Variants in DDX59 observed in about 807,000 individuals in gnomAD.
The protein encoded by DDX59 is probable ATP-dependent RNA helicase DDX59.
DDX59 carries 30 observed loss-of-function variants against 51.9 expected under a neutral mutation model. The observed-to-expected ratio is 0.58, with a 90% CI of 0.43 to 0.78. The LOEUF is 0.78. Among genes scored for constraint, DDX59 ranks in the 30% least tolerant of loss-of-function variants. DDX59 has a pLI of 0.00. For synonymous variants in DDX59, 255 were observed against 253.3 expected (o/e 1.01, Z -0.06); for missense variants, 672 against 730.8 (o/e 0.92, Z 0.93).
rs1661447996 is a variant in DDX59 at position 200,648,573 on chromosome 1, C to CA, written c.1468-7dup. ...TAGTCTCCTTCAAGTAATCCCTTTCCAAAAAAGCAACAAAATTTATTATTC... is the reference window on the plus strand; with the variant it reads ...TAGTCTCCTTCAAGTAATCCCTTTCCAAAAAAAGCAACAAAATTTATTATTC... On this transcript the variant is annotated splice_polypyrimidine_tract_variant and splice_region_variant and intron_variant, in intron 6 of 7. Coordinates refer to ENST00000331314, the MANE Select transcript of DDX59 (RefSeq NM_001031725.6). The CA allele has an allele frequency of 2.5e-6, 4 of 1,599,416 alleles. No individual in the cohort carries two copies. Among genetic ancestry groups the CA allele is most frequent in the Admixed American group, 1.8e-5 (1 of 55,780 alleles).
At chr1:200,664,120 C>A (rs778226932) in intron 2 of DDX59, 34 bp from the exon 3 acceptor site, 2 of 1,595,638 alleles carry the variant, frequency 1.3e-6, no homozygotes, top group South Asian at 2.3e-5. Context: ...TTAAAAACAC[C>A]AGCAATTAAT....
chr1:200,654,391 G>C (rs998835580), intron 4 of DDX59: 1 of 140,318 alleles, frequency 7.1e-6, no homozygotes, highest in Admixed American at 7.1e-5. Flanking sequence ...CCAGCCTGGC[G>C]GGGAAAAAAA....
At position 200,649,118 on chromosome 1, in the gene DDX59, T is replaced by G. The variant is rs79204709; in HGVS notation, c.1423A>C (p.Ile475Leu). The G allele has an allele frequency of 6.3e-7, 1 of 1,583,426 alleles. No homozygotes were observed. Among genetic ancestry groups the G allele is most frequent in the African/African-American group, 1.4e-5 (1 of 72,658 alleles). Reference protein sequence around the residue: ...QKITGLKSISIHSEKSQIERK... With the variant: ...QKITGLKSISLHSEKSQIERK... ...TCTATTTGCGACTTCTCTGAATGTATAGATATGCTTTTCAGCCCTGTGATT... is the reference window on the plus strand; with the variant it reads ...TCTATTTGCGACTTCTCTGAATGTAGAGATATGCTTTTCAGCCCTGTGATT... Residue 475 changes from isoleucine to leucine, a missense_variant, in exon 6 of 8, where the codon ATA becomes CTA. Ile to Leu is a conservative substitution (Grantham distance 5, BLOSUM62 2). Coordinates refer to ENST00000331314, the MANE Select transcript of DDX59 (RefSeq NM_001031725.6).
At chr1:200,656,707 A>C (rs537161236) in intron 4 of DDX59, among the ~76,000 whole-genome samples, 8 of 152,318 alleles carry the variant, frequency 5.3e-5, no homozygotes, top group Admixed American at 2.0e-4. Flanking sequence ...GCACAGCACG[A>C]AAGTGTCCCA....
intron 1 of DDX59, chr1:200,669,470 G>C (rs953986169): frequency 2.6e-5 from 4 of 152,562 alleles, no homozygotes; most frequent in African/African-American, 9.6e-5. Flanking sequence ...TGGCGGCGGC[G>C]CGGCCTCCAA....
intron 4 of DDX59, among the ~76,000 whole-genome samples, chr1:200,658,599 G>A (rs368711846): frequency 6.6e-6 from 1 of 152,200 alleles, no homozygotes; most frequent in Non-Finnish European, 1.5e-5. Context: ...AGGAGGCTGA[G>A]GTGGGTGGAT....
rs1425746102 is a variant in DDX59, at chr1:200,669,883, C to G, written c.-128G>C. On this transcript the variant is annotated 5_prime_UTR_variant, in exon 1 of 8. Coordinates refer to ENST00000331314, the MANE Select transcript of DDX59 (RefSeq NM_001031725.6). The stretch of plus-strand genomic sequence containing the variant: ...TGACCCGCTCGTCAGGACTGCGGCC[C>G]GGGGTTGGTGGTGCGGAGCGGAGCG... 7.9e-6 allele frequency: 1 copy of G among 126,114 alleles called. No individual in the cohort carries two copies. Among genetic ancestry groups the G allele is most frequent in the Non-Finnish European group, 1.7e-5 (1 of 58,812 alleles). The allele number at this position is 126,114 out of a possible 1,614,324, so 7.8% of individuals were successfully genotyped here. A position where few individuals can be genotyped will look rare whatever the true frequency, so the allele number is the denominator to read the frequency against.
chr1:200,666,889 CTTGAGGTCAGGAGT>C (rs1662801597), intron 1 of DDX59, 138 bp from the exon 2 acceptor site: 1 of 800,602 alleles, frequency 1.2e-6, no homozygotes. Flanking sequence ...AGGCAGATCA[CTTGAGGTCAGGAGT>C]TTGAGACCAG....
At chr1:200,668,233 G>A (rs1571663182) in intron 1 of DDX59, among the ~76,000 whole-genome samples, 2 of 151,976 alleles carry the variant, frequency 1.3e-5, no homozygotes, top group Admixed American at 6.6e-5. Context: ...GCGTGAACCC[G>A]GGAAGCGGAG....
In DDX59 at chr1:200,666,637, T is replaced by A. The variant is rs1341553700; in HGVS notation, c.104A>T (p.Asp35Val). ...ATCAACGGGAACATCTCTGCTTTTG[T>A]CCAACTGAAGGTCTTCTGGGTCTGG... ...IKPDPEDLQL[D>V]KSRDVPVDAV... The change falls in exon 2 of 8, where the codon GAC becomes GTC. Residue 35 changes from aspartate to valine, a missense_variant. Physicochemically the swap from Asp to Val is radical, Grantham distance 152. Transcript: ENST00000331314. 3 of 1,614,100 alleles carry A rather than the reference T, an allele frequency of 1.9e-6. No individual in the cohort carries two copies. The Admixed American group carries it at 5.0e-5, about 27-fold the overall frequency.
In DDX59 at chr1:200,644,329, T is replaced by C; in HGVS notation, c.1785A>G (p.Thr595=). 1 of 1,613,758 alleles carries C rather than the reference T, an allele frequency of 6.2e-7. No homozygotes were observed. The highest frequency in any genetic ancestry group is 8.5e-7 in the Non-Finnish European group (1 of 1,179,846). The change falls in exon 8 of 8, where the codon ACA becomes ACG. Residue 595 remains threonine (T), a synonymous_variant. Coordinates refer to ENST00000331314, the MANE Select transcript of DDX59 (RefSeq NM_001031725.6). The part of the protein sequence containing the change: ...KRKEQQKDKQ[T]QNDLVTGANL... ...TAGCTCCTGTAACCAGATCATTCTG[T>C]GTCTGTTTATCTTTCTGTTGTTCCT...
chr1:200,663,919 CT>C lies in DDX59; in HGVS notation c.971del (p.Lys324ArgfsTer4). 3 of 1,607,076 alleles carry C rather than the reference CT, an allele frequency of 1.9e-6. No homozygotes were observed. Among genetic ancestry groups the C allele is most frequent in the Non-Finnish European group, 2.5e-6 (3 of 1,177,648 alleles). On this transcript the variant is annotated frameshift_variant and splice_region_variant, in exon 3 of 8. Transcript: ENST00000331314. LOFTEE classifies it high-confidence loss of function. ...GACATTGTATCAAATCAGTGCTTAC[CT>C]TAACATGTTGTTGCAGACGATAAAG... The part of the protein sequence containing the change: ...PQLYRLQQHV[K>X]VIIATPGRLL...
intron 4 of DDX59, chr1:200,655,204 T>C (rs913742120): frequency 2.0e-5 from 3 of 152,214 alleles, no homozygotes; most frequent in African/African-American, 7.2e-5. Context: ...ATTTGCTCAT[T>C]TGTCCTTTTT....
At position 200,666,155 on chromosome 1, in the gene DDX59, G is replaced by C; in HGVS notation, c.586C>G (p.Gln196Glu). The C allele has an allele frequency of 6.2e-7, 1 of 1,614,166 alleles. No individual in the cohort carries two copies. Residue 196 changes from glutamine (Q) to glutamate (E), a missense_variant, in exon 2 of 8, where the codon CAA becomes GAA. Transcript: ENST00000331314. ...KQQLGILVQG[Q>E]EVTRPIIDFE... ...TCAATAATGGGCCTGGTGACTTCTT[G>C]CCCTTGAACTAAAATTCCCAGCTGC...
chr1:200,651,388 C>T (rs73074945), intron 4 of DDX59, among the ~76,000 whole-genome samples: 18,001 of 152,070 alleles, frequency 0.12, 1,565 homozygotes, highest in East Asian at 0.42. Flanking sequence ...GTTATGAAGG[C>T]TCCACCCTTA....
At chr1:200,646,390 C>G (rs953605137) in intron 7 of DDX59, among the ~76,000 whole-genome samples, 1 of 151,954 alleles carries the variant, frequency 6.6e-6, no homozygotes, top group Non-Finnish European at 1.5e-5. Context: ...GGCAAGTCTT[C>G]TAGAGTATAC....
intron 3 of DDX59, among the ~76,000 whole-genome samples, chr1:200,660,826 A>C (rs1178469022): frequency 6.6e-6 from 1 of 152,104 alleles, no homozygotes. Flanking sequence ...GACCAACAAT[A>C]CTCGAGTTCA....
rs17854157 is a variant in DDX59, at chr1:200,649,125, G to C, written c.1416C>G (p.Ser472Arg). The C allele has an allele frequency of 1.3e-6, 2 of 1,587,534 alleles. No individual in the cohort carries two copies. ...GCGACTTCTCTGAATGTATAGATAT[G>C]CTTTTCAGCCCTGTGATTTTCTGAA... is the stretch of plus-strand genomic sequence containing the variant. The part of the protein sequence containing the change: ...EAVQKITGLK[S>R]ISIHSEKSQI... Residue 472 changes from serine to arginine, a missense_variant, in exon 6 of 8, where the codon AGC becomes AGG. Coordinates refer to ENST00000331314, the MANE Select transcript of DDX59 (RefSeq NM_001031725.6).
In DDX59 at chr1:200,669,167, C is replaced by A. The variant is rs1417711821; in HGVS notation, c.-12+600G>T. Among the ~76,000 whole-genome samples, 3 of 152,256 alleles carry A rather than the reference C, an allele frequency of 2.0e-5. No individual in the cohort carries two copies. In the East Asian group the frequency reaches 5.8e-4, roughly 29 times the overall value. On this transcript the variant is annotated intron_variant, in intron 1 of 7. Transcript: ENST00000331314. Reference sequence around the variant, plus strand: ...TTTTTACACCAAAAACATGTCTTTGCAAAATTACAGTTATTGGGAATAAGG... The same window carrying A: ...TTTTTACACCAAAAACATGTCTTTGAAAAATTACAGTTATTGGGAATAAGG...
Sources: gnomAD v4.1 joint callset for allele counts (sites outside exome capture counted in the v4.1 genomes callset) on GRCh38, gnomAD v4.1.1 for gene constraint, MANE v1.5 for transcripts, NCBI Gene and HGNC (gene_info 2026-07-23, HGNC 2026-07-21) for gene names.